The following PDE1C variants were observed in gnomAD, a reference collection of about 807,000 sequenced individuals.
The protein encoded by PDE1C is dual specificity calcium/calmodulin-dependent 3',5'-cyclic nucleotide phosphodiesterase 1C.
PDE1C carries 62 observed loss-of-function variants against 93.1 expected under a neutral mutation model. That is an observed-to-expected ratio of 0.67 (90% CI 0.54 to 0.82). The LOEUF (loss-of-function observed/expected upper bound fraction) is 0.82, where lower values mean the gene tolerates loss of function less well. PDE1C is among the 40% of genes least tolerant of loss of function. The pLI, the probability that PDE1C is intolerant of heterozygous loss-of-function variation, is 0.00. For missense variants in PDE1C, 742 were observed against 884.6 expected (o/e 0.84, Z 2.04); for synonymous variants, 325 against 310.1 (o/e 1.05, Z -0.50).
At chr7:31,651,294 A>G in the PDE1C span, 6 of 1,608,898 alleles carry the variant, frequency 3.7e-6, no homozygotes, top group African/African-American at 8.0e-5. Flanking sequence ...GAGCCATAAA[A>G]GTAAGTACCA....
chr7:32,420,058 C>G lies in PDE1C; in HGVS notation c.310+7764G>C, dbSNP rs1785361334. The stretch of plus-strand genomic sequence containing the variant: ...TGGCTAACATGTCAAAACCCTGTCT[C>G]TACTAAAAATACAAAAATAGCCAGG... On this transcript the variant is annotated intron_variant, in intron 1 of 1. Coordinates refer to the PDE1C transcript ENST00000672256. Among the ~76,000 whole-genome samples, 3 of 130,824 alleles carry G rather than the reference C, an allele frequency of 2.3e-5. No homozygotes were observed. The South Asian group carries it at 8.1e-4, about 35-fold the overall frequency. 85.8% of individuals were successfully genotyped at this position (130,824 alleles called of 152,430 possible). A position where few individuals can be genotyped will look rare whatever the true frequency, so the allele number is the denominator to read the frequency against.
upstream of PDE1C, among the ~76,000 whole-genome samples, chr7:32,074,100 G>A (rs1270721492): frequency 1.3e-5 from 2 of 152,070 alleles, no homozygotes; most frequent in African/African-American, 4.8e-5. Flanking sequence ...AATTCACACA[G>A]AGTAACTAAG....
chr7:31,641,383 T>G, the PDE1C span, among the ~76,000 whole-genome samples: 1 of 152,164 alleles, frequency 6.6e-6, no homozygotes, highest in Non-Finnish European at 1.5e-5. Context: ...CCTTGTATTC[T>G]AAGGAGGCCA....
intron 1 of PDE1C, among the ~76,000 whole-genome samples, chr7:32,249,449 C>T (rs567786344): frequency 1.3e-5 from 2 of 152,052 alleles, no homozygotes; most frequent in South Asian, 2.1e-4. Context: ...ACAAGGGTGT[C>T]CCCTCAGCGA....
At chr7:31,896,044 C>T (rs1799292731) in intron 2 of PDE1C, among the ~76,000 whole-genome samples, 2 of 151,394 alleles carry the variant, frequency 1.3e-5, no homozygotes, top group Non-Finnish European at 3.0e-5. Flanking sequence ...CACACACAAA[C>T]TGCCCCATCA....
intron 2 of PDE1C, among the ~76,000 whole-genome samples, chr7:31,938,841 C>T (rs1381701296): frequency 2.6e-5 from 4 of 152,172 alleles, no homozygotes; most frequent in Non-Finnish European, 5.9e-5. Flanking sequence ...GAATGAATAA[C>T]TGACACTTGC....
At chr7:31,867,979 CACACAGCCAGAATTAAAGCCAA>C in intron 6 of PDE1C, among the ~76,000 whole-genome samples, 1 of 152,220 alleles carries the variant, frequency 6.6e-6, no homozygotes, top group Admixed American at 6.5e-5. Flanking sequence ...TGCACTACTA[CACACAGCCAGAATTAAAGCCAA>C]AGTTCTCTAC....
At chr7:32,297,684 C>G (rs2128900370) in intron 1 of PDE1C, among the ~76,000 whole-genome samples, 1 of 152,268 alleles carries the variant, frequency 6.6e-6, no homozygotes, top group Non-Finnish European at 1.5e-5. Context: ...CTCTGGTCCC[C>G]CTCTTGGTGA....
At chr7:32,348,356 CTTTTTTTTTTTT>C (rs59148183) in intron 1 of PDE1C, among the ~76,000 whole-genome samples, 28 of 57,340 alleles carry the variant, frequency 4.9e-4, no homozygotes, top group Non-Finnish European at 6.8e-4. Context: ...AACAAATGTG[CTTTTTTTTTTTT>C]TTTTTTTTTT....
intron 1 of PDE1C, among the ~76,000 whole-genome samples, chr7:32,413,252 GGATA>G (rs1432003338): frequency 3.9e-5 from 6 of 152,090 alleles, no homozygotes; most frequent in Admixed American, 2.6e-4. Context: ...GTAGACAGAT[GGATA>G]GATAAATAGA....
At chr7:32,245,424 A>G in intron 1 of PDE1C, among the ~76,000 whole-genome samples, 1 of 152,236 alleles carries the variant, frequency 6.6e-6, no homozygotes, top group East Asian at 1.9e-4. Flanking sequence ...CTAAAGAAGC[A>G]GAATTCATTT....
At chr7:31,980,216 G>A (rs1427090976) in intron 2 of PDE1C, among the ~76,000 whole-genome samples, 1 of 152,128 alleles carries the variant, frequency 6.6e-6, no homozygotes, top group Non-Finnish European at 1.5e-5. Context: ...TTATTACAAG[G>A]TTACAGGCAA....
At chr7:31,695,581 G>A in the PDE1C span, 32 of 1,613,736 alleles carry the variant, frequency 2.0e-5, no homozygotes, top group Admixed American at 1.0e-4. Context: ...AACCAAGGAG[G>A]AAAGATACAC....
At chr7:31,638,254 A>G in the PDE1C span, among the ~76,000 whole-genome samples, 5 of 152,256 alleles carry the variant, frequency 3.3e-5, no homozygotes, top group African/African-American at 1.2e-4. Context: ...TGAACTAATT[A>G]TAACAAAGGC....
the PDE1C span, among the ~76,000 whole-genome samples, chr7:31,697,723 T>C: frequency 1.3e-5 from 2 of 152,126 alleles, no homozygotes; most frequent in Admixed American, 6.5e-5. Flanking sequence ...TTTATACAGA[T>C]TGTTGTGTTG....
rs548119935 is a variant in PDE1C, at chr7:31,774,814, A to C, written c.1960+850T>G. Among the ~76,000 whole-genome samples the C allele has an allele frequency of 3.9e-5, 6 of 152,338 alleles. 1 individual carries two copies. The highest frequency in any genetic ancestry group is 1.4e-4 in the African/African-American group (6 of 41,574). ...TCTAGAGAAAAAGTATTTAATAAAG[A>C]CAGGAAGGAGAGGTAATCTTGGTTA... On this transcript the variant is annotated intron_variant, in intron 17 of 17. Transcript: ENST00000396191.
intron 2 of PDE1C, among the ~76,000 whole-genome samples, chr7:31,928,310 T>C (rs1803673562): frequency 6.6e-6 from 1 of 150,498 alleles, no homozygotes. Flanking sequence ...AAAGCTATGA[T>C]TGTACCTGAA....
rs115563847 is a variant in PDE1C, at chr7:32,304,364, C to G, written c.311-94825G>C. Among the ~76,000 whole-genome samples the G allele has an allele frequency of 3.9e-3, 589 of 152,324 alleles. 5 individuals are homozygous for G. Among genetic ancestry groups the G allele is most frequent in the African/African-American group, 0.013 (556 of 41,564 alleles). Reference sequence around the variant, plus strand: ...GGCACAGAGTAAGCCTTCGCTAAAACATTTATGAATTAAAAAGTAAACAAA... The same window carrying G: ...GGCACAGAGTAAGCCTTCGCTAAAAGATTTATGAATTAAAAAGTAAACAAA... On this transcript the variant is annotated intron_variant, in intron 1 of 1. Coordinates refer to the PDE1C transcript ENST00000672256.
At chr7:32,327,989 T>C (rs1205783363) in intron 1 of PDE1C, among the ~76,000 whole-genome samples, 1 of 152,194 alleles carries the variant, frequency 6.6e-6, no homozygotes, top group Non-Finnish European at 1.5e-5. Context: ...GAAGGTGTTA[T>C]GAATAGGCTG....
Sources: gnomAD v4.1 joint callset for allele counts (sites outside exome capture counted in the v4.1 genomes callset) on GRCh38, gnomAD v4.1.1 for gene constraint, MANE v1.5 for transcripts, NCBI Gene and HGNC (gene_info 2026-07-23, HGNC 2026-07-21) for gene names.